NELL2: variants seen among roughly 807,000 people sequenced by gnomAD.
The protein encoded by NELL2 is protein kinase C-binding protein NELL2.
In NELL2, 41 loss-of-function variants were observed where a neutral mutation model predicts 109.6. That is an observed-to-expected ratio of 0.37 (90% CI 0.29 to 0.49). The LOEUF is 0.49. Ranked by LOEUF, NELL2 falls within the 20% of genes least tolerant of loss-of-function variation. The probability of loss-of-function intolerance (pLI) is 0.98; values close to 1 mark genes in which losing one functional copy is unlikely to be tolerated. For synonymous variants in NELL2, 355 were observed against 344.7 expected (o/e 1.03, Z -0.33); for missense variants, 900 against 1,008.3 (o/e 0.89, Z 1.45).
chr12:44,731,069 A>C (rs1939344629), intron 9 of NELL2, among the ~76,000 whole-genome samples: 1 of 152,166 alleles, frequency 6.6e-6, no homozygotes, highest in Non-Finnish European at 1.5e-5. Context: ...TGACAGCAGA[A>C]TCATTAGATA....
intron 9 of NELL2, among the ~76,000 whole-genome samples, chr12:44,727,918 C>T (rs1483285255): frequency 1.3e-5 from 2 of 152,008 alleles, no homozygotes; most frequent in African/African-American, 4.8e-5. Flanking sequence ...AAGGGCTTCC[C>T]ATAATCCTTC....
intron 12 of NELL2, among the ~76,000 whole-genome samples, chr12:44,684,434 T>A (rs1242950183): frequency 1.3e-5 from 2 of 152,102 alleles, no homozygotes; most frequent in Admixed American, 1.3e-4. Context: ...CTGCTCTGAT[T>A]TTAGTTATTT....
intron 2 of NELL2, among the ~76,000 whole-genome samples, chr12:44,821,887 T>TTATC (rs1943556988): frequency 1.7e-5 from 1 of 57,946 alleles, no homozygotes; most frequent in Non-Finnish European, 3.6e-5. Flanking sequence ...CCGGCTGGTT[T>TTATC]TATTTATTTA....
At chr12:44,782,458 G>T (rs973458675) in intron 3 of NELL2, among the ~76,000 whole-genome samples, 42 of 151,850 alleles carry the variant, frequency 2.8e-4, no homozygotes, top group African/African-American at 9.9e-4. Flanking sequence ...AAAGAGATTA[G>T]CAGAAGGGAT....
chr12:44,592,236 A>G (rs1944779567), intron 15 of NELL2, among the ~76,000 whole-genome samples: 2 of 152,222 alleles, frequency 1.3e-5, no homozygotes. Flanking sequence ...GATTTAAATG[A>G]TTTAATAAAT....
chr12:44,556,009 A>G (rs1051987355), intron 15 of NELL2, among the ~76,000 whole-genome samples: 1 of 152,196 alleles, frequency 6.6e-6, no homozygotes, highest in Non-Finnish European at 1.5e-5. Flanking sequence ...GCAGTTAGAA[A>G]GCAAGTACCA....
rs1227249223 is a variant in NELL2 at position 44,791,080 on chromosome 12, T to TATAC, written c.336-11059_336-11058insGTAT. 6.8e-3 allele frequency among the ~76,000 whole-genome samples: 210 copies of TATAC among 30,954 alleles called. 14 individuals carry two copies. The highest frequency in any genetic ancestry group is 0.016 in the African/African-American group (191 of 12,076). The allele number at this position is 30,954 out of a possible 152,430, so 20.3% of individuals were successfully genotyped here. On this transcript the variant is annotated intron_variant, in intron 3 of 19. Transcript: ENST00000429094. Reference sequence around the variant, plus strand: ...GAAAGTTCAAGTATATATATATATATACATATATATATATATGTATATATA... The same window carrying TATAC: ...GAAAGTTCAAGTATATATATATATATATACACATATATATATATATGTATATATA...
At chr12:44,634,190 T>C (rs1035690697) in intron 13 of NELL2, among the ~76,000 whole-genome samples, 2 of 152,138 alleles carry the variant, frequency 1.3e-5, no homozygotes, top group African/African-American at 4.8e-5. Flanking sequence ...TATAAATACA[T>C]ACTTTAAGTT....
chr12:44,568,349 G>A (rs192617676), intron 15 of NELL2, among the ~76,000 whole-genome samples: 11 of 152,120 alleles, frequency 7.2e-5, no homozygotes, highest in African/African-American at 2.2e-4. Context: ...CTCTGTATTC[G>A]TTTTTATATA....
chr12:44,711,479 CTT>C, intron 10 of NELL2, 85 bp from the exon 11 acceptor site: 1 of 1,170,642 alleles, frequency 8.5e-7, no homozygotes, highest in South Asian at 1.3e-5. Flanking sequence ...TGAGAAGACT[CTT>C]TTAAGATCAA....
chr12:44,519,427 T>A (rs1001936562), intron 19 of NELL2, among the ~76,000 whole-genome samples: 3 of 152,224 alleles, frequency 2.0e-5, no homozygotes, highest in Non-Finnish European at 4.4e-5. Flanking sequence ...TATTTTCCAA[T>A]GAGAATAAGG....
chr12:44,778,076 GCCACACTCCCC>G (rs1160110811), intron 5 of NELL2, among the ~76,000 whole-genome samples: 1 of 151,980 alleles, frequency 6.6e-6, no homozygotes, highest in African/African-American at 2.4e-5. Context: ...TCTTTTATCT[GCCACACTCCCC>G]CCATTTCTTC....
At chr12:44,795,051 C>T (rs547929721) in intron 3 of NELL2, among the ~76,000 whole-genome samples, 12 of 152,226 alleles carry the variant, frequency 7.9e-5, no homozygotes, top group South Asian at 2.1e-4. Flanking sequence ...AAATAGGCAA[C>T]GGTGGCAGGG....
rs374012981 is a variant in NELL2, at chr12:44,585,030, T to C, written c.1663+22139A>G. 3.9e-5 allele frequency among the ~76,000 whole-genome samples: 6 copies of C among 152,348 alleles called. No homozygotes were observed. The South Asian group carries it at 1.2e-3, about 32-fold the overall frequency. On this transcript the variant is annotated intron_variant, in intron 15 of 19. Transcript: ENST00000429094. Reference sequence around the variant, plus strand: ...ACAGTCTTGAAATCCAGCACAATTTTATTTGCTTTCATTAAATTAATTTTT... The same window carrying C: ...ACAGTCTTGAAATCCAGCACAATTTCATTTGCTTTCATTAAATTAATTTTT...
chr12:44,609,683 G>T (rs1241780728), intron 14 of NELL2, among the ~76,000 whole-genome samples: 2 of 151,978 alleles, frequency 1.3e-5, no homozygotes, highest in Non-Finnish European at 2.9e-5. Context: ...CTACACTGAT[G>T]ATTTCCATGG....
chr12:44,800,979 A>G (rs1438463032), intron 3 of NELL2, among the ~76,000 whole-genome samples: 1 of 152,160 alleles, frequency 6.6e-6, no homozygotes, highest in African/African-American at 2.4e-5. Context: ...CCAAGGAAGA[A>G]GGCAACAGGA....
intron 15 of NELL2, among the ~76,000 whole-genome samples, chr12:44,558,065 GT>G (rs1475169666): frequency 1.3e-5 from 2 of 152,154 alleles, no homozygotes; most frequent in East Asian, 3.8e-4. Flanking sequence ...ATTTCAAAAA[GT>G]TTGCCTATGA....
rs543545034 is a variant in NELL2 at position 44,743,280 on chromosome 12, C to A, written c.995-28539G>T. Among the ~76,000 whole-genome samples, 158 of 152,230 alleles carry A rather than the reference C, an allele frequency of 1.0e-3. 1 individual carries two copies. The highest frequency in any genetic ancestry group is 3.7e-3 in the African/African-American group (154 of 41,544). On this transcript the variant is annotated intron_variant, in intron 9 of 19. Coordinates refer to ENST00000429094, the MANE Select transcript of NELL2 (RefSeq NM_001145108.2). The stretch of plus-strand genomic sequence containing the variant: ...AGATTTTGTCACCACCAGGCCTGCC[C>A]TAAAAGACCTCCTGAAGGAAGCACT...
intron 13 of NELL2, among the ~76,000 whole-genome samples, chr12:44,624,996 GTATATATATATATA>G (rs3072882): frequency 1.5e-4 from 11 of 71,130 alleles, no homozygotes; most frequent in African/African-American, 3.9e-4. Flanking sequence ...ATATGTGTGT[GTATATATATATATA>G]TATATATATA....
Sources: allele counts gnomAD v4.1 joint callset (sites outside exome capture counted in the v4.1 genomes callset), GRCh38; gene constraint gnomAD v4.1.1; transcripts MANE v1.5; gene names NCBI Gene and HGNC (gene_info 2026-07-23, HGNC 2026-07-21).